XXYLT1: variants seen among roughly 807,000 people sequenced by gnomAD.
The protein encoded by XXYLT1 is xyloside xylosyltransferase 1, also known as UDP-xylose:alpha-xyloside alpha-1,3-xylosyltransferase.
Under a neutral mutation model 28.9 loss-of-function variants are expected in XXYLT1, and 20 were observed. That is an observed-to-expected ratio of 0.69 (90% CI 0.49 to 1.00). The LOEUF (loss-of-function observed/expected upper bound fraction) is 1.00, where lower values mean the gene tolerates loss of function less well. XXYLT1 is among the 50% of genes least tolerant of loss of function. The pLI is 0.00. For missense variants in XXYLT1, 542 were observed against 560.1 expected, an observed-to-expected ratio of 0.97 and a Z score of 0.33; for synonymous variants, 257 against 253.8, an observed-to-expected ratio of 1.01 and a Z score of -0.12.
At chr3:195,185,503 GTT>G (rs10576287) in intron 2 of XXYLT1, among the ~76,000 whole-genome samples, 18,571 of 126,154 alleles carry the variant, frequency 0.15, 1,783 homozygotes, top group African/African-American at 0.3. Flanking sequence ...TTAGGGCTGG[GTT>G]TTTTTTTTTT....
At chr3:195,114,232 C>T (rs1365409481) in intron 3 of XXYLT1, among the ~76,000 whole-genome samples, 3 of 152,212 alleles carry the variant, frequency 2.0e-5, no homozygotes, top group Non-Finnish European at 4.4e-5. Flanking sequence ...CATTGGGTGG[C>T]CCCCTTCTCG....
rs546401166 is a variant in XXYLT1, at chr3:195,155,907, AT to A, written c.785+541del. Among the ~76,000 whole-genome samples, 8 of 152,384 alleles carry A rather than the reference AT, an allele frequency of 5.2e-5. No homozygotes were observed. The South Asian group carries it at 1.7e-3, about 32-fold the overall frequency. On this transcript the variant is annotated intron_variant, in intron 3 of 3. Coordinates refer to ENST00000310380, the MANE Select transcript of XXYLT1 (RefSeq NM_152531.5). Reference sequence around the variant, plus strand: ...TACTACAAATAACGCTACAGTGAATATTCCAGAATGGTTCTCAGTCCTGGAG... The same window carrying A: ...TACTACAAATAACGCTACAGTGAATATCCAGAATGGTTCTCAGTCCTGGAG...
At chr3:195,125,066 C>G (rs1158005647) in intron 3 of XXYLT1, among the ~76,000 whole-genome samples, 1 of 152,072 alleles carries the variant, frequency 6.6e-6, no homozygotes, top group African/African-American at 2.4e-5. Flanking sequence ...AAGGCTTGAT[C>G]CCCGCCCTCA....
In XXYLT1 at chr3:195,069,934, C is replaced by T. The variant is rs575672618; in HGVS notation, c.963G>A (p.Lys321=). 1.9e-5 allele frequency: 30 copies of T among 1,613,312 alleles called. No individual in the cohort carries two copies. The Middle Eastern group carries it at 1.2e-3, about 62-fold the overall frequency. Residue 321 remains lysine (K), a synonymous_variant, in exon 4 of 4, where the codon AAG becomes AAA. Coordinates refer to ENST00000310380, the MANE Select transcript of XXYLT1 (RefSeq NM_152531.5). The part of the protein sequence containing the change: ...EPAQVQQLAD[K]YHFRGHLGDQ... The stretch of plus-strand genomic sequence containing the variant: ...CCCCGAGGTGGCCGCGGAAGTGGTA[C>T]TTGTCGGCCAGCTGCTGCACCTGCG...
At chr3:195,157,501 C>A (rs1336963513) in intron 2 of XXYLT1, among the ~76,000 whole-genome samples, 1 of 152,176 alleles carries the variant, frequency 6.6e-6, no homozygotes, top group Non-Finnish European at 1.5e-5. Flanking sequence ...ATGTCACAAT[C>A]ACCTGGCACC....
At chr3:195,122,209 T>C (rs1198183478) in intron 3 of XXYLT1, 2 of 702,338 alleles carry the variant, frequency 2.8e-6, no homozygotes, top group Non-Finnish European at 2.6e-6. Context: ...CTAATCACTC[T>C]CCAAAGGCCC....
intron 3 of XXYLT1, among the ~76,000 whole-genome samples, chr3:195,128,966 A>G (rs1412516535): frequency 3.3e-5 from 5 of 152,218 alleles, no homozygotes; most frequent in Non-Finnish European, 7.3e-5. Flanking sequence ...CAAGAAAAAC[A>G]TCCCCATGCG....
In XXYLT1 at chr3:195,185,085, A is replaced by AGAAAGGAAGGAAGGAAGGAAG. The variant is rs1434255998; in HGVS notation, c.653-28505_653-28504insCTTCCTTCCTTCCTTCCTTTC. On this transcript the variant is annotated intron_variant, in intron 2 of 3. Coordinates refer to ENST00000310380, the MANE Select transcript of XXYLT1 (RefSeq NM_152531.5). ...AAAGAAAAAAGGAAGGAAAGAAGGA[A>AGAAAGGAAGGAAGGAAGGAAG]GAAGGAAGGAAGGAAGGAAGGAAGG... Among the ~76,000 whole-genome samples the AGAAAGGAAGGAAGGAAGGAAG allele has an allele frequency of 3.0e-5, 3 of 100,938 alleles. 1 individual carries two copies. The highest frequency in any genetic ancestry group is 1.3e-4 in the African/African-American group (3 of 23,132). The allele number at this position is 100,938 out of a possible 152,430, so 66.2% of individuals were successfully genotyped here.
chr3:195,116,034 TTGA>T (rs1296504270), intron 3 of XXYLT1, among the ~76,000 whole-genome samples: 9 of 152,130 alleles, frequency 5.9e-5, no homozygotes, highest in Non-Finnish European at 7.4e-5. Context: ...TTACGTGGAC[TTGA>T]TGGGCCTATA....
chr3:195,172,570 A>T (rs61168926), intron 2 of XXYLT1, among the ~76,000 whole-genome samples: 6,192 of 152,282 alleles, frequency 0.041, 416 homozygotes, highest in African/African-American at 0.14. Flanking sequence ...CCCTACTGTG[A>T]ACCAGGCACT....
intron 2 of XXYLT1, among the ~76,000 whole-genome samples, chr3:195,198,380 T>A (rs1008752646): frequency 2.0e-5 from 3 of 152,160 alleles, no homozygotes; most frequent in South Asian, 2.1e-4. Context: ...AGGAACAAGT[T>A]GTCCGGGCAC....
chr3:195,260,946 G>T (rs1425497350), intron 1 of XXYLT1, among the ~76,000 whole-genome samples: 2 of 152,196 alleles, frequency 1.3e-5, no homozygotes, highest in African/African-American at 4.8e-5. Flanking sequence ...ATGACAGATT[G>T]TCAGGTGGGC....
At chr3:195,253,206 C>T (rs1207829495) in intron 1 of XXYLT1, among the ~76,000 whole-genome samples, 1 of 152,184 alleles carries the variant, frequency 6.6e-6, no homozygotes, top group Non-Finnish European at 1.5e-5. Flanking sequence ...ACTGACTCCT[C>T]TCCTGGGGCA....
intron 3 of XXYLT1, among the ~76,000 whole-genome samples, chr3:195,109,432 G>A (rs1717337353): frequency 1.3e-5 from 2 of 151,716 alleles, no homozygotes; most frequent in South Asian, 4.2e-4. Flanking sequence ...TGTTGGTGGT[G>A]TATGAGTGTG....
At position 195,209,584 on chromosome 3, in the gene XXYLT1, G is replaced by C. The variant is rs116473744; in HGVS notation, c.652+17125C>G. The stretch of plus-strand genomic sequence containing the variant: ...GCAGAGCCGGTGACAGGGCTCGGGC[G>C]AGGCCTTCAAGCCAGAACGGAGAGC... On this transcript the variant is annotated intron_variant, in intron 2 of 3. Transcript: ENST00000310380. The surrounding 1 kb of genome is among the most constrained non-coding windows in gnomAD (Gnocchi z 5.0). The C allele has an allele frequency of 6.7e-3, 1,026 of 152,670 alleles. 4 individuals are homozygous for C. Among genetic ancestry groups the C allele is most frequent in the Non-Finnish European group, 0.011 (723 of 68,302 alleles). The allele number at this position is 152,670 out of a possible 1,614,324, so 9.5% of individuals were successfully genotyped here. A position where few individuals can be genotyped will look rare whatever the true frequency, so the allele number is the denominator to read the frequency against.
At position 195,210,175 on chromosome 3, in the gene XXYLT1, G is replaced by T. The variant is rs1395279412; in HGVS notation, c.652+16534C>A. ...CTAACCTCTCCTCATCCTCCTCAAA[G>T]CTTCCTCTCTGTGCCCTGACAGAAC... On this transcript the variant is annotated intron_variant, in intron 2 of 3. Coordinates refer to ENST00000310380, the MANE Select transcript of XXYLT1 (RefSeq NM_152531.5). The surrounding 1 kb of genome is among the most constrained non-coding windows in gnomAD (Gnocchi z 4.8). Among the ~76,000 whole-genome samples, 2 of 152,186 alleles carry T rather than the reference G, an allele frequency of 1.3e-5. No homozygotes were observed. The highest frequency in any genetic ancestry group is 4.8e-5 in the African/African-American group (2 of 41,442).
intron 1 of XXYLT1, among the ~76,000 whole-genome samples, chr3:195,248,672 C>G (rs1279793987): frequency 6.6e-6 from 1 of 152,188 alleles, no homozygotes; most frequent in Admixed American, 6.5e-5. Flanking sequence ...AATCCCAGCA[C>G]TTTGGGAGGC....
intron 1 of XXYLT1, among the ~76,000 whole-genome samples, chr3:195,251,608 C>T (rs1217229018): frequency 6.6e-6 from 1 of 152,190 alleles, no homozygotes; most frequent in Non-Finnish European, 1.5e-5. Flanking sequence ...AAGGTTGGCC[C>T]CAGTGTCTGC....
At chr3:195,088,360 C>G (rs1171686261) in intron 3 of XXYLT1, among the ~76,000 whole-genome samples, 1 of 147,982 alleles carries the variant, frequency 6.8e-6, no homozygotes, top group African/African-American at 2.4e-5. Flanking sequence ...ACTGCCTCCT[C>G]AAGTGGGTCC....
Sources: allele counts gnomAD v4.1 joint callset (sites outside exome capture counted in the v4.1 genomes callset), GRCh38; gene constraint gnomAD v4.1.1; non-coding constraint Gnocchi (gnomAD v3.1); transcripts MANE v1.5; gene names NCBI Gene and HGNC (gene_info 2026-07-23, HGNC 2026-07-21).